The following MCPH1 variants were observed in gnomAD, a reference collection of about 807,000 sequenced individuals.
MCPH1 encodes microcephalin.
Under a neutral mutation model 84.5 loss-of-function variants are expected in MCPH1, and 104 were observed. That is an observed-to-expected ratio of 1.23 (90% CI 1.05 to 1.45). MCPH1 has a LOEUF of 1.45. MCPH1 is among the 40% of genes most tolerant of loss of function. The pLI is 0.00. For missense variants in MCPH1, 1,498 were observed against 1,005.7 expected, an observed-to-expected ratio of 1.49 and a Z score of -6.62; for synonymous variants, 514 against 366.8, an observed-to-expected ratio of 1.40 and a Z score of -4.58.
intron 12 of MCPH1, among the ~76,000 whole-genome samples, chr8:6,541,557 G>A (rs1821580542): frequency 6.6e-6 from 1 of 152,198 alleles, no homozygotes; most frequent in African/African-American, 2.4e-5. Flanking sequence ...GAGACGCTCG[G>A]CAGGTCCTTG....
At chr8:6,634,959 A>G (rs1336392999) in intron 13 of MCPH1, 4 of 152,242 alleles carry the variant, frequency 2.6e-5, no homozygotes, top group Non-Finnish European at 4.4e-5. Flanking sequence ...GAAGGATGCC[A>G]TACATGCTGT....
chr8:6,514,079 A>G (rs973102853), intron 12 of MCPH1, among the ~76,000 whole-genome samples: 3 of 152,308 alleles, frequency 2.0e-5, no homozygotes, highest in African/African-American at 7.2e-5. Flanking sequence ...CTACTTGGGG[A>G]GCCACCAGCA....
intron 12 of MCPH1, among the ~76,000 whole-genome samples, chr8:6,592,883 T>C (rs1195439860): frequency 6.7e-6 from 1 of 149,582 alleles, no homozygotes; most frequent in Non-Finnish European, 1.5e-5. Context: ...CTCAGGCTGG[T>C]CTCAAACTCC....
intron 8 of MCPH1, 122 bp downstream of exon 8, chr8:6,445,669 A>C (rs765898848): frequency 6.9e-7 from 1 of 1,452,176 alleles, no homozygotes; most frequent in South Asian, 1.5e-5. Context: ...TTTTTACTTA[A>C]AGAATGTGCA....
intron 12 of MCPH1, among the ~76,000 whole-genome samples, chr8:6,528,392 G>T (rs914569856): frequency 6.6e-6 from 1 of 152,124 alleles, no homozygotes. Flanking sequence ...ATATTTATTT[G>T]TCACTAGACA....
At chr8:6,467,005 G>C (rs1364917851) in intron 9 of MCPH1, among the ~76,000 whole-genome samples, 1 of 152,052 alleles carries the variant, frequency 6.6e-6, no homozygotes. Flanking sequence ...ATTTCGATTT[G>C]TTTTTAAAAA....
rs557217605 is a variant in MCPH1 at position 6,546,538 on chromosome 8, T to A, written c.2214+46609T>A. 2.4e-4 allele frequency among the ~76,000 whole-genome samples: 27 copies of A among 113,336 alleles called. No individual in the cohort carries two copies. The East Asian group carries it at 6.0e-3, about 25-fold the overall frequency. The allele number at this position is 113,336 out of a possible 152,430, so 74.4% of individuals were successfully genotyped here. A position where few individuals can be genotyped will look rare whatever the true frequency, so the allele number is the denominator to read the frequency against. ...GTTACTTAAGAAAGAAAATAAAGGA[T>A]CTTTTTTTAAAACTCAATTTATATG... On this transcript the variant is annotated intron_variant, in intron 12 of 13. Coordinates refer to ENST00000344683, the MANE Select transcript of MCPH1 (RefSeq NM_024596.5).
intron 9 of MCPH1, among the ~76,000 whole-genome samples, chr8:6,476,339 G>A (rs1661796829): frequency 6.7e-6 from 1 of 149,570 alleles, no homozygotes; most frequent in African/African-American, 2.5e-5. Flanking sequence ...TGAGGCATGA[G>A]AATTGCTTGA....
At chr8:6,630,982 A>C (rs1490083676) in intron 13 of MCPH1, among the ~76,000 whole-genome samples, 1 of 152,192 alleles carries the variant, frequency 6.6e-6, no homozygotes, top group Non-Finnish European at 1.5e-5. Flanking sequence ...AAACCGCTAA[A>C]ATCAGGCAGA....
intron 3 of MCPH1, among the ~76,000 whole-genome samples, chr8:6,418,435 A>G (rs1799631472): frequency 6.6e-6 from 1 of 152,096 alleles, no homozygotes. Flanking sequence ...CGTATAGCTT[A>G]TAGTTCACCT....
intron 4 of MCPH1, 60 bp from the exon 5 acceptor site, chr8:6,435,988 T>A: frequency 1.3e-6 from 2 of 1,592,180 alleles, no homozygotes. Flanking sequence ...GCGAAAGGGC[T>A]TTTTCTCCTG....
intron 12 of MCPH1, among the ~76,000 whole-genome samples, chr8:6,522,574 G>A (rs144013578): frequency 1.9e-3 from 295 of 152,146 alleles, no homozygotes; most frequent in African/African-American, 7.0e-3. Context: ...AGGAGCTTGA[G>A]AGCAGGCTGG....
At chr8:6,412,063 C>A (rs1485080314) in intron 2 of MCPH1, among the ~76,000 whole-genome samples, 1 of 152,108 alleles carries the variant, frequency 6.6e-6, no homozygotes, top group East Asian at 1.9e-4. Flanking sequence ...ACTTAAGAGG[C>A]GCTCACCACC....
intron 9 of MCPH1, among the ~76,000 whole-genome samples, chr8:6,474,516 T>C (rs1243650579): frequency 1.3e-5 from 2 of 152,208 alleles, no homozygotes; most frequent in Non-Finnish European, 2.9e-5. Flanking sequence ...AGCAAGACCC[T>C]GTCTCTCAAA....
At chr8:6,605,400 A>G (rs1481434061) in intron 12 of MCPH1, among the ~76,000 whole-genome samples, 1 of 152,082 alleles carries the variant, frequency 6.6e-6, no homozygotes, top group South Asian at 2.1e-4. Flanking sequence ...TTTCATTCCA[A>G]TGCATTCCCC....
At chr8:6,642,322 G>T (rs553973489) in intron 13 of MCPH1, among the ~76,000 whole-genome samples, 3 of 152,118 alleles carry the variant, frequency 2.0e-5, no homozygotes, top group Non-Finnish European at 4.4e-5. Context: ...GAGGAAAGAG[G>T]GAGGGGTTGT....
intron 12 of MCPH1, among the ~76,000 whole-genome samples, chr8:6,607,123 GC>G (rs1394703061): frequency 2.0e-5 from 3 of 152,174 alleles, no homozygotes; most frequent in Admixed American, 1.3e-4. Context: ...AAGCAGGAAG[GC>G]CCCTCTCACT....
At chr8:6,443,978 C>T (rs1352971933) in intron 7 of MCPH1, among the ~76,000 whole-genome samples, 3 of 152,172 alleles carry the variant, frequency 2.0e-5, no homozygotes, top group Non-Finnish European at 2.9e-5. Flanking sequence ...TAAGGGTGAG[C>T]TGTGTTCATT....
At chr8:6,578,486 T>C (rs1173548161) in intron 12 of MCPH1, among the ~76,000 whole-genome samples, 1 of 148,220 alleles carries the variant, frequency 6.7e-6, no homozygotes, top group African/African-American at 2.5e-5. Context: ...TGTAAGTACA[T>C]TTAGTGATTA....
Sources: allele counts gnomAD v4.1 joint callset (sites outside exome capture counted in the v4.1 genomes callset), GRCh38; gene constraint gnomAD v4.1.1; transcripts MANE v1.5; gene names NCBI Gene and HGNC (gene_info 2026-07-23, HGNC 2026-07-21).